The following FBXL5 variants were observed in gnomAD, a reference collection of about 807,000 sequenced individuals.
The protein encoded by FBXL5 is F-box and leucine rich repeat protein 5, also known as F-box/LRR-repeat protein 5.
In FBXL5, 26 loss-of-function variants were observed where a neutral mutation model predicts 78.3. That is an observed-to-expected ratio of 0.33 (90% confidence interval 0.24 to 0.46). The LOEUF (loss-of-function observed/expected upper bound fraction) is 0.46, where lower values mean the gene tolerates loss of function less well. Among genes scored for constraint, FBXL5 ranks in the 20% least tolerant of loss-of-function variants. FBXL5 has a pLI of 1.00. For missense variants in FBXL5, 710 were observed against 829.2 expected (o/e 0.86, Z 1.77); for synonymous variants, 295 against 282.5 (o/e 1.04, Z -0.45).
chr4:15,607,732 C>T (rs1213866671), intron 10 of FBXL5, among the ~76,000 whole-genome samples: 2 of 152,184 alleles, frequency 1.3e-5, no homozygotes, highest in Non-Finnish European at 2.9e-5. Flanking sequence ...AGACACAAGC[C>T]CTGCCTCACT....
intron 5 of FBXL5, among the ~76,000 whole-genome samples, chr4:15,631,296 T>C (rs1207497218): frequency 6.6e-6 from 1 of 152,242 alleles, no homozygotes; most frequent in Non-Finnish European, 1.5e-5. Context: ...ATGTGCCACA[T>C]TTTCTTAATC....
At chr4:15,672,929 G>C (rs78675548) in intron 1 of FBXL5, among the ~76,000 whole-genome samples, 2,546 of 151,654 alleles carry the variant, frequency 0.017, 71 homozygotes, top group African/African-American at 0.058. Context: ...ATTTTTACGA[G>C]ACACAAATTA....
chr4:15,611,591 T>TGA (rs939232671), intron 10 of FBXL5, among the ~76,000 whole-genome samples: 1 of 152,098 alleles, frequency 6.6e-6, no homozygotes, highest in African/African-American at 2.4e-5. Flanking sequence ...GAACATACTT[T>TGA]GAAAAAGCAT....
rs765621027 is a variant in FBXL5, at chr4:15,612,267, G to A, written c.1998C>T (p.Asn666=). 30 of 1,593,200 alleles carry A rather than the reference G, an allele frequency of 1.9e-5. No individual in the cohort carries two copies. The highest frequency in any genetic ancestry group is 1.8e-4 in the South Asian group (15 of 85,558). Reference sequence around the variant, plus strand: ...TATCGCACTGTTAAAAGGCATTACCGTTAATGTTGTCACAGTAGTAAAAGT... The same window carrying A: ...TATCGCACTGTTAAAAGGCATTACCATTAATGTTGTCACAGTAGTAAAAGT... ...DEYFYYCDNI[N]GPHADTASGC... is the part of the protein sequence containing the mutation. Residue 666 remains asparagine, a splice_region_variant and synonymous_variant, in exon 10 of 11, where the codon AAC becomes AAT. Transcript: ENST00000341285.
intron 1 of FBXL5, among the ~76,000 whole-genome samples, chr4:15,646,634 G>T (rs1024490769): frequency 2.0e-5 from 3 of 151,936 alleles, no homozygotes; most frequent in Non-Finnish European, 2.9e-5. Context: ...CCATGTTGGT[G>T]TGCTGCACCC....
upstream of FBXL5, among the ~76,000 whole-genome samples, chr4:15,661,404 C>T (rs1357592373): frequency 2.0e-5 from 3 of 152,136 alleles, no homozygotes; most frequent in African/African-American, 7.2e-5. Flanking sequence ...TTAGCAGAGC[C>T]TGGCATGGGA....
chr4:15,611,270 A>G (rs1405656817), intron 10 of FBXL5, among the ~76,000 whole-genome samples: 1 of 152,102 alleles, frequency 6.6e-6, no homozygotes. Context: ...AGGAAAACCT[A>G]ATCTCGAGAA....
chr4:15,674,308 C>T (rs1330967345), intron 1 of FBXL5, among the ~76,000 whole-genome samples: 1 of 151,078 alleles, frequency 6.6e-6, no homozygotes, highest in East Asian at 1.9e-4. Context: ...TGTAGTACCG[C>T]TATTGGTACT....
chr4:15,631,625 T>C (rs937863062), intron 5 of FBXL5, among the ~76,000 whole-genome samples: 3 of 152,246 alleles, frequency 2.0e-5, no homozygotes, highest in Non-Finnish European at 4.4e-5. Flanking sequence ...TGGTGTGAGA[T>C]GGTATCTCAT....
intron 2 of FBXL5, among the ~76,000 whole-genome samples, chr4:15,642,153 T>C (rs547139875): frequency 5.3e-5 from 8 of 152,240 alleles, no homozygotes; most frequent in African/African-American, 1.7e-4. Flanking sequence ...TAAGGAGCTA[T>C]AAACTTCTTC....
intron 5 of FBXL5, among the ~76,000 whole-genome samples, chr4:15,633,770 T>C (rs937405545): frequency 1.6e-4 from 25 of 152,164 alleles, no homozygotes; most frequent in Admixed American, 1.3e-3. Flanking sequence ...TTTATTTGTA[T>C]TTGTATTTTA....
chr4:15,646,268 T>C (rs1475121495), intron 1 of FBXL5, among the ~76,000 whole-genome samples: 2 of 152,214 alleles, frequency 1.3e-5, no homozygotes, highest in Non-Finnish European at 2.9e-5. Context: ...TATTCTTCTT[T>C]TGATTTTTTC....
intron 3 of FBXL5, among the ~76,000 whole-genome samples, chr4:15,640,393 G>GAAAAAAAAAAA (rs33987840): frequency 1.1e-5 from 1 of 91,634 alleles, no homozygotes. Context: ...CTACACTACT[G>GAAAAAAAAAAA]AAAAAAAAAA....
intron 4 of FBXL5, among the ~76,000 whole-genome samples, chr4:15,637,767 C>T (rs1444188996): frequency 2.0e-5 from 3 of 152,010 alleles, no homozygotes; most frequent in African/African-American, 4.8e-5. Flanking sequence ...TGCATTTCAC[C>T]TACTTTGTTA....
At chr4:15,650,790 G>A (rs1715926009) in intron 1 of FBXL5, among the ~76,000 whole-genome samples, 1 of 147,952 alleles carries the variant, frequency 6.8e-6, no homozygotes, top group South Asian at 2.1e-4. Context: ...CCGCCACCAT[G>A]CCCAGCTAAT....
chr4:15,679,547 G>A (rs1432257292), intron 1 of FBXL5, among the ~76,000 whole-genome samples: 1 of 145,656 alleles, frequency 6.9e-6, no homozygotes, highest in Non-Finnish European at 1.5e-5. Flanking sequence ...ATATGCTAAA[G>A]GTACAGTTCA....
intron 1 of FBXL5, 27 bp from the exon 2 acceptor site, chr4:15,644,735 GTAATA>G: frequency 6.5e-7 from 1 of 1,531,754 alleles, no homozygotes; most frequent in African/African-American, 1.4e-5. Context: ...AAAGAAAAGT[GTAATA>G]AATACGTGCA....
chr4:15,654,623 T>C (rs1038025458), intron 1 of FBXL5, among the ~76,000 whole-genome samples: 9 of 152,186 alleles, frequency 5.9e-5, no homozygotes, highest in Admixed American at 3.3e-4. Context: ...AAACTTGGCT[T>C]TTCTCCCAAA....
intron 5 of FBXL5, among the ~76,000 whole-genome samples, chr4:15,631,376 G>A (rs183968786): frequency 3.3e-5 from 5 of 152,098 alleles, no homozygotes; most frequent in East Asian, 1.9e-4. Flanking sequence ...CACAATAAAC[G>A]TATGTGCGCA....
Sources: allele counts gnomAD v4.1 joint callset (sites outside exome capture counted in the v4.1 genomes callset), GRCh38; gene constraint gnomAD v4.1.1; transcripts MANE v1.5; gene names NCBI Gene and HGNC (gene_info 2026-07-23, HGNC 2026-07-21).